ACCSL: variants seen among roughly 807,000 people sequenced by gnomAD.
ACCSL encodes the protein 1-aminocyclopropane-1-carboxylate synthase homolog (inactive) like.
In ACCSL, 55 loss-of-function variants were observed where a neutral mutation model predicts 61.7. The observed-to-expected ratio is 0.89, with a 90% CI of 0.72 to 1.12. The LOEUF is 1.12. Ranked by LOEUF, ACCSL falls within the 50% of genes most tolerant of loss-of-function variation. ACCSL has a pLI of 0.00. For missense variants in ACCSL, 632 were observed against 698.0 expected (o/e 0.91, Z 1.07); for synonymous variants, 258 against 264.3 (o/e 0.98, Z 0.23).
chr11:43,962,717 C>T, the ACCSL span, among the ~76,000 whole-genome samples: 3 of 152,152 alleles, frequency 2.0e-5, no homozygotes, highest in African/African-American at 7.2e-5. Flanking sequence ...ATGAAGCAGG[C>T]TTGAGAAATA....
chr11:43,966,915 T>C, the ACCSL span, among the ~76,000 whole-genome samples: 2 of 152,156 alleles, frequency 1.3e-5, no homozygotes, highest in Non-Finnish European at 2.9e-5. Flanking sequence ...TTTTATTGTT[T>C]TGTTTTTCTT....
the ACCSL span, among the ~76,000 whole-genome samples, chr11:43,976,294 G>C: frequency 1.3e-5 from 2 of 152,248 alleles, no homozygotes; most frequent in East Asian, 3.9e-4. Context: ...ATGGTATCCA[G>C]CTCCACAGTA....
chr11:44,010,481 T>C, the ACCSL span, among the ~76,000 whole-genome samples: 1 of 152,206 alleles, frequency 6.6e-6, no homozygotes, highest in Non-Finnish European at 1.5e-5. Context: ...ATGCAGGTTT[T>C]TCAGAGGGGA....
At chr11:44,011,868 C>G in the ACCSL span, among the ~76,000 whole-genome samples, 2 of 152,094 alleles carry the variant, frequency 1.3e-5, no homozygotes, top group African/African-American at 4.8e-5. Flanking sequence ...AGAGAGGATT[C>G]TGTTCAATTA....
chr11:44,020,666 T>A, the ACCSL span, among the ~76,000 whole-genome samples: 1 of 152,078 alleles, frequency 6.6e-6, no homozygotes, highest in Non-Finnish European at 1.5e-5. Flanking sequence ...GGGGAACAGG[T>A]GGTATCTAGT....
the ACCSL span, among the ~76,000 whole-genome samples, chr11:43,953,083 A>C: frequency 6.6e-6 from 1 of 152,290 alleles, no homozygotes; most frequent in Admixed American, 6.5e-5. Flanking sequence ...TTTGAACCAG[A>C]GCGACTCCAT....
At chr11:44,043,765 T>G (rs1952586126), upstream of ACCSL, among the ~76,000 whole-genome samples, 1 of 152,234 alleles carries the variant, frequency 6.6e-6, no homozygotes, top group Admixed American at 6.5e-5. Flanking sequence ...TTCAGCCTCT[T>G]CTTCCAGGTT....
At chr11:43,996,958 G>A in the ACCSL span, among the ~76,000 whole-genome samples, 463 of 151,854 alleles carry the variant, frequency 3.0e-3, 3 homozygotes, top group African/African-American at 0.01. Context: ...GATTACAGGC[G>A]CCCACCTCCA....
At chr11:43,983,763 G>T in the ACCSL span, among the ~76,000 whole-genome samples, 1 of 151,782 alleles carries the variant, frequency 6.6e-6, no homozygotes, top group African/African-American at 2.4e-5. Context: ...GTGGAGGCAT[G>T]GTGGTGGGGG....
In ACCSL at chr11:44,048,372, A is replaced by G. The variant is rs1161796166; in HGVS notation, c.336A>G (p.Gln112=). 6.2e-7 allele frequency: 1 copy of G among 1,613,772 alleles called. No individual in the cohort carries two copies. Among genetic ancestry groups the G allele is most frequent in the South Asian group, 1.1e-5 (1 of 91,060 alleles). ...RGDVRYGQRA[Q]LSGQPDPVPQ... is the part of the protein sequence containing the mutation. The stretch of plus-strand genomic sequence containing the variant: ...ATGTCAGATATGGGCAGAGGGCCCA[A>G]CTCTCTGGGCAGCCTGATCCAGTTC... Residue 112 remains glutamine, a synonymous_variant, in exon 1 of 14, where the codon CAA becomes CAG. Coordinates refer to ENST00000378832, the MANE Select transcript of ACCSL (RefSeq NM_001031854.2).
At chr11:43,942,886 C>T in the ACCSL span, 13 of 1,322,450 alleles carry the variant, frequency 9.8e-6, no homozygotes, top group African/African-American at 9.2e-5. Context: ...CGCCCGGCCC[C>T]GCAGACGCCG....
At chr11:43,930,027 A>G in the ACCSL span, among the ~76,000 whole-genome samples, 1 of 152,208 alleles carries the variant, frequency 6.6e-6, no homozygotes. Context: ...GGGAAGAGGA[A>G]ACGCAGAGAA....
chr11:44,041,458 A>G, the ACCSL span, among the ~76,000 whole-genome samples: 1 of 152,180 alleles, frequency 6.6e-6, no homozygotes, highest in Non-Finnish European at 1.5e-5. Context: ...TTTGGTCCTT[A>G]TATTTGAACC....
the ACCSL span, among the ~76,000 whole-genome samples, chr11:44,008,617 A>G: frequency 1.3e-5 from 2 of 152,264 alleles, no homozygotes; most frequent in Non-Finnish European, 2.9e-5. Flanking sequence ...TAGTCTTTCT[A>G]TATATGAACT....
At chr11:44,045,454 C>T (rs1483682646), upstream of ACCSL, among the ~76,000 whole-genome samples, 1 of 151,998 alleles carries the variant, frequency 6.6e-6, no homozygotes, top group Admixed American at 6.6e-5. Flanking sequence ...ACAAACAACC[C>T]CCCCCACAAA....
chr11:43,991,160 G>T, the ACCSL span, among the ~76,000 whole-genome samples: 1 of 152,188 alleles, frequency 6.6e-6, no homozygotes, highest in African/African-American at 2.4e-5. Flanking sequence ...TTTATTGAGG[G>T]CTTACTACAT....
At chr11:43,940,523 C>CTTT in the ACCSL span, among the ~76,000 whole-genome samples, 24 of 147,624 alleles carry the variant, frequency 1.6e-4, no homozygotes, top group South Asian at 6.4e-4. Flanking sequence ...GCCTAGCTAA[C>CTTT]TTTTTTTTTT....
chr11:44,002,113 GC>G, the ACCSL span, among the ~76,000 whole-genome samples: 1 of 152,138 alleles, frequency 6.6e-6, no homozygotes, highest in Non-Finnish European at 1.5e-5. Flanking sequence ...GGAAGTGTTT[GC>G]CCTTGCTCCT....
At chr11:44,006,376 T>C in the ACCSL span, among the ~76,000 whole-genome samples, 1 of 152,186 alleles carries the variant, frequency 6.6e-6, no homozygotes. Flanking sequence ...GCAGCTCATT[T>C]GAGTGGCTGA....
Sources: gnomAD v4.1 joint callset for allele counts (sites outside exome capture counted in the v4.1 genomes callset) on GRCh38, gnomAD v4.1.1 for gene constraint, MANE v1.5 for transcripts, NCBI Gene and HGNC (gene_info 2026-07-23, HGNC 2026-07-21) for gene names.